Variants in CCDC91 observed in about 807,000 individuals in gnomAD.
CCDC91 encodes the protein coiled-coil domain-containing protein 91.
CCDC91 carries 48 observed loss-of-function variants against 63.2 expected under a neutral mutation model. The observed-to-expected ratio is 0.76, with a 90% CI of 0.60 to 0.97. The LOEUF (loss-of-function observed/expected upper bound fraction) is 0.97. CCDC91 is among the 50% of genes least tolerant of loss of function. The pLI, the probability that CCDC91 is intolerant of heterozygous loss-of-function variation, is 0.00. For missense variants in CCDC91, 500 were observed against 494.6 expected, an observed-to-expected ratio of 1.01 and a Z score of -0.10; for synonymous variants, 167 against 165.8, an observed-to-expected ratio of 1.01 and a Z score of -0.06.
chr12:28,365,078 A>G (rs527514954), intron 7 of CCDC91, among the ~76,000 whole-genome samples: 78 of 152,314 alleles, frequency 5.1e-4, no homozygotes, highest in Middle Eastern at 3.4e-3. Context: ...ACTGTGAGCT[A>G]TGAAATAAAA....
chr12:28,331,520 T>C (rs1941509604), intron 6 of CCDC91, among the ~76,000 whole-genome samples: 2 of 152,138 alleles, frequency 1.3e-5, no homozygotes. Context: ...TCTTGAAATA[T>C]TTTTTTCCCC....
At chr12:28,440,028 T>C (rs1264694050) in intron 8 of CCDC91, among the ~76,000 whole-genome samples, 2 of 152,070 alleles carry the variant, frequency 1.3e-5, no homozygotes, top group Non-Finnish European at 2.9e-5. Context: ...ATAGAATATC[T>C]TAGATAAGCA....
Position 28,466,965 on chromosome 12 carries a change from G to T in CCDC91, c.1101+14311G>T, listed in dbSNP as rs149338931. Among the ~76,000 whole-genome samples, 3 of 152,226 alleles carry T rather than the reference G, an allele frequency of 2.0e-5. 1 individual carries two copies. Among genetic ancestry groups the T allele is most frequent in the South Asian group, 2.1e-4 (1 of 4,828 alleles). On this transcript the variant is annotated intron_variant, in intron 11 of 12. Transcript: ENST00000536442. ...AAAAGCTAAAAACTGTGGGGATGAA[G>T]TTAAGGCAAAGTATTTTCTTTTTCC...
At chr12:28,285,159 A>T (rs1948837652) in intron 3 of CCDC91, among the ~76,000 whole-genome samples, 1 of 152,128 alleles carries the variant, frequency 6.6e-6, no homozygotes, top group Non-Finnish European at 1.5e-5. Context: ...TGGTTATCTA[A>T]GGTTTCTTCT....
At chr12:28,311,607 A>G (rs538020276) in intron 6 of CCDC91, among the ~76,000 whole-genome samples, 2 of 152,174 alleles carry the variant, frequency 1.3e-5, no homozygotes, top group Admixed American at 6.5e-5. Flanking sequence ...CTATAGGGAC[A>G]TTGTTCAATA....
chr12:28,297,296 GA>G (rs1401649833), intron 3 of CCDC91, among the ~76,000 whole-genome samples: 2 of 151,444 alleles, frequency 1.3e-5, no homozygotes, highest in African/African-American at 4.8e-5. Context: ...GAATTACTGG[GA>G]AAAAAAATTG....
chr12:28,211,774 T>C (rs1358167814), intron 1 of CCDC91, among the ~76,000 whole-genome samples: 1 of 152,098 alleles, frequency 6.6e-6, no homozygotes, highest in Non-Finnish European at 1.5e-5. Flanking sequence ...TTTTTTTTTT[T>C]CTTACCTAAG....
chr12:28,336,667 T>C (rs1942005162), intron 6 of CCDC91, among the ~76,000 whole-genome samples: 1 of 152,088 alleles, frequency 6.6e-6, no homozygotes, highest in African/African-American at 2.4e-5. Context: ...TGAAGAGTCA[T>C]TTTTGGAGAT....
chr12:28,251,105 A>G (rs960326581), intron 1 of CCDC91, among the ~76,000 whole-genome samples: 4 of 152,048 alleles, frequency 2.6e-5, no homozygotes, highest in Admixed American at 2.6e-4. Flanking sequence ...ATGGAAAAGT[A>G]TTATTGCGAC....
chr12:28,505,950 A>G (rs1367365719), intron 12 of CCDC91, among the ~76,000 whole-genome samples: 2 of 151,990 alleles, frequency 1.3e-5, no homozygotes, highest in Non-Finnish European at 2.9e-5. Context: ...CAGTGTTTCA[A>G]TTCCTATGTA....
intron 8 of CCDC91, among the ~76,000 whole-genome samples, chr12:28,392,174 A>G (rs1259342038): frequency 6.6e-6 from 1 of 152,166 alleles, no homozygotes; most frequent in African/African-American, 2.4e-5. Flanking sequence ...AAGAGGAAAT[A>G]CACAGAGAAA....
At chr12:28,230,439 T>C (rs1355825993) in intron 1 of CCDC91, among the ~76,000 whole-genome samples, 1 of 152,142 alleles carries the variant, frequency 6.6e-6, no homozygotes, top group Non-Finnish European at 1.5e-5. Context: ...CAAAACTGAG[T>C]ACTAAATTTC....
chr12:28,267,876 TA>T (rs1246510591), intron 3 of CCDC91, among the ~76,000 whole-genome samples: 10 of 79,132 alleles, frequency 1.3e-4, no homozygotes, highest in Admixed American at 4.7e-4. Context: ...TATATAATTA[TA>T]TATAATTATT....
At chr12:28,384,319 TAA>T (rs1945470958) in intron 7 of CCDC91, among the ~76,000 whole-genome samples, 1 of 152,108 alleles carries the variant, frequency 6.6e-6, no homozygotes, top group African/African-American at 2.4e-5. Flanking sequence ...TGTAAAAACA[TAA>T]ACTCATGTAG....
chr12:28,384,738 G>T (rs377731766), intron 7 of CCDC91, among the ~76,000 whole-genome samples: 1 of 151,838 alleles, frequency 6.6e-6, no homozygotes, highest in Non-Finnish European at 1.5e-5. Context: ...TTGTACCACT[G>T]TGTCTTTTCA....
At chr12:28,546,785 G>A (rs1463330523) in intron 12 of CCDC91, among the ~76,000 whole-genome samples, 1 of 152,014 alleles carries the variant, frequency 6.6e-6, no homozygotes, top group South Asian at 2.1e-4. Flanking sequence ...TAACACTGCA[G>A]TTGGGACTGA....
chr12:28,398,673 G>C (rs1028995528), intron 8 of CCDC91, among the ~76,000 whole-genome samples: 4 of 152,046 alleles, frequency 2.6e-5, no homozygotes, highest in African/African-American at 9.7e-5. Context: ...CTCAGCACTT[G>C]GTATTGTCCA....
At chr12:28,279,484 A>G (rs1362545272) in intron 3 of CCDC91, among the ~76,000 whole-genome samples, 4 of 152,090 alleles carry the variant, frequency 2.6e-5, no homozygotes, top group Non-Finnish European at 5.9e-5. Flanking sequence ...CACAAAACAA[A>G]TATTCCACTG....
chr12:28,473,167 T>G (rs1206085044), intron 11 of CCDC91, among the ~76,000 whole-genome samples: 1 of 152,180 alleles, frequency 6.6e-6, no homozygotes, highest in East Asian at 1.9e-4. Flanking sequence ...GTAATTATGA[T>G]TGAGTGGTTC....
Sources: allele counts gnomAD v4.1 joint callset (sites outside exome capture counted in the v4.1 genomes callset), GRCh38; gene constraint gnomAD v4.1.1; transcripts MANE v1.5; gene names NCBI Gene and HGNC (gene_info 2026-07-23, HGNC 2026-07-21).